PPEF1: variants seen among roughly 807,000 people sequenced by gnomAD.
PPEF1 encodes the protein protein phosphatase with EF-hand domain 1.
In PPEF1, 12 loss-of-function variants were observed where a neutral mutation model predicts 53.3. The observed-to-expected ratio is 0.23, with a 90% CI of 0.14 to 0.36. PPEF1 has a LOEUF of 0.36. PPEF1 is among the 10% of genes least tolerant of loss of function. The pLI, the probability that PPEF1 is intolerant of heterozygous loss-of-function variation, is 1.00. For synonymous variants in PPEF1, 165 were observed against 176.7 expected (o/e 0.93, Z 0.52); for missense variants, 334 against 490.4 (o/e 0.68, Z 3.01).
intron 3 of PPEF1, among the ~76,000 whole-genome samples, chrX:18,742,165 T>C (rs1261776083): frequency 9.0e-6 from 1 of 111,605 alleles, no homozygotes; most frequent in Non-Finnish European, 1.9e-5. Flanking sequence ...GTCATTTTTA[T>C]TGCTGAATAA....
upstream of PPEF1, among the ~76,000 whole-genome samples, chrX:18,703,997 C>T (rs1207984133): frequency 9.6e-6 from 1 of 104,636 alleles, no homozygotes; most frequent in Non-Finnish European, 1.9e-5. Flanking sequence ...GATCACGGCT[C>T]GCTGCATCCT....
chrX:18,784,686 C>T (rs1285103544), intron 9 of PPEF1, among the ~76,000 whole-genome samples: 2 of 110,864 alleles, frequency 1.8e-5, no homozygotes, highest in African/African-American at 6.6e-5. Flanking sequence ...ATACGATTTC[C>T]CACATAATAC....
intron 13 of PPEF1, among the ~76,000 whole-genome samples, chrX:18,819,028 T>C (rs1414339799): frequency 2.7e-5 from 3 of 111,670 alleles, no homozygotes; most frequent in Non-Finnish European, 3.8e-5. Context: ...TAATGCTCCC[T>C]GACTCCTGGC....
At chrX:18,803,800 C>A (rs2046600852) in intron 10 of PPEF1, 92 bp from the exon 11 acceptor site, 2 of 869,239 alleles carry the variant, frequency 2.3e-6, no homozygotes, top group Admixed American at 3.2e-5. Context: ...CTTTGGGATA[C>A]CTTGGGTTAA....
chrX:18,730,106 A>C (rs2044801435), intron 1 of PPEF1, 75 bp from the exon 2 acceptor site: 1 of 1,043,210 alleles, frequency 9.6e-7, no homozygotes, highest in Non-Finnish European at 1.3e-6. Flanking sequence ...TTTTTTTTCC[A>C]CTGAAGCACC....
At chrX:18,756,418 G>T (rs1190980949) in intron 4 of PPEF1, among the ~76,000 whole-genome samples, 2 of 111,182 alleles carry the variant, frequency 1.8e-5, no homozygotes, top group Non-Finnish European at 3.8e-5. Context: ...GACCTCAAGT[G>T]ATCTGCCCAC....
At chrX:18,825,487 A>C (rs931685981) in intron 14 of PPEF1, among the ~76,000 whole-genome samples, 2 of 111,949 alleles carry the variant, frequency 1.8e-5, no homozygotes, top group Non-Finnish European at 3.8e-5. Context: ...GTTGTAGAGG[A>C]CCGAATGAAA....
intron 1 of PPEF1, among the ~76,000 whole-genome samples, chrX:18,713,222 T>G (rs2044367060): frequency 9.0e-6 from 1 of 111,329 alleles, no homozygotes; most frequent in Non-Finnish European, 1.9e-5. Flanking sequence ...TTTGGTAGAA[T>G]TCATCAGTGA....
At chrX:18,713,813 T>C (rs1427141896) in intron 1 of PPEF1, among the ~76,000 whole-genome samples, 1 of 112,034 alleles carries the variant, frequency 8.9e-6, no homozygotes, top group Non-Finnish European at 1.9e-5. Flanking sequence ...TAGTTTTTTG[T>C]AGCCTCACTT....
intron 7 of PPEF1, among the ~76,000 whole-genome samples, chrX:18,781,173 G>T (rs2046078269): frequency 9.0e-6 from 1 of 110,968 alleles, no homozygotes; most frequent in Non-Finnish European, 1.9e-5. Context: ...GAGGAGAGAG[G>T]TTGGGATGAG....
chrX:18,773,043 T>C (rs2045899076), intron 6 of PPEF1, among the ~76,000 whole-genome samples: 1 of 112,502 alleles, frequency 8.9e-6, no homozygotes, highest in Non-Finnish European at 1.9e-5. Context: ...TTTTGCTTTT[T>C]TTTCTCTTCA....
chrX:18,780,413 G>A (rs945195328), intron 7 of PPEF1, among the ~76,000 whole-genome samples: 2 of 112,513 alleles, frequency 1.8e-5, no homozygotes, highest in Non-Finnish European at 3.7e-5. Context: ...AAGAAGTTCA[G>A]GAGGACAGGA....
Position 18,702,143 on chromosome X carries a change from G to A in PPEF1, c.-123+1708G>A, listed in dbSNP as rs182271286. 1.6e-3 allele frequency among the ~76,000 whole-genome samples: 184 copies of A among 111,792 alleles called. 1 individual carries two copies. Among genetic ancestry groups the A allele is most frequent in the African/African-American group, 5.4e-3 (166 of 30,757 alleles). On this transcript the variant is annotated intron_variant, in intron 6 of 21. Transcript: ENST00000361511. ...CTCCTCTGCCTCACCCTATGCCTCT[G>A]CATTATATTTAGGCCACAGACATCA...
At chrX:18,764,562 A>G (rs1405683739) in intron 6 of PPEF1, among the ~76,000 whole-genome samples, 1 of 111,536 alleles carries the variant, frequency 9.0e-6, no homozygotes, top group Non-Finnish European at 1.9e-5. Context: ...TGGAGATTCT[A>G]CTGGCCCCAC....
At chrX:18,795,215 C>G (rs1348340797) in intron 10 of PPEF1, among the ~76,000 whole-genome samples, 1 of 111,640 alleles carries the variant, frequency 9.0e-6, no homozygotes, top group African/African-American at 3.3e-5. Context: ...GAGGCTGAAG[C>G]AGGAGCATGG....
At chrX:18,778,846 C>T (rs753176328) in intron 6 of PPEF1, among the ~76,000 whole-genome samples, 164 bp from the exon 7 acceptor site, 3 of 110,922 alleles carry the variant, frequency 2.7e-5, no homozygotes, top group Non-Finnish European at 5.7e-5. Context: ...AGATGCCTGC[C>T]GTGGAAGAGT....
intron 4 of PPEF1, among the ~76,000 whole-genome samples, chrX:18,693,151 T>A (rs1383498593): frequency 8.9e-6 from 1 of 112,339 alleles, no homozygotes; most frequent in Non-Finnish European, 1.9e-5. Flanking sequence ...AGCAGCTACC[T>A]CATTTAGACA....
chrX:18,680,383 G>A (rs1928831490), upstream of PPEF1, among the ~76,000 whole-genome samples: 1 of 105,509 alleles, frequency 9.5e-6, no homozygotes. Context: ...GAGACTCACT[G>A]CCCCCCTTTC....
chrX:18,681,495 C>G (rs1049796416), upstream of PPEF1, among the ~76,000 whole-genome samples: 4 of 111,337 alleles, frequency 3.6e-5, no homozygotes, highest in African/African-American at 1.3e-4. Flanking sequence ...GCAATGAGTT[C>G]CAGTAAGAGC....
Sources: allele counts gnomAD v4.1 joint callset (sites outside exome capture counted in the v4.1 genomes callset), GRCh38; gene constraint gnomAD v4.1.1; transcripts MANE v1.5; gene names NCBI Gene and HGNC (gene_info 2026-07-23, HGNC 2026-07-21).